Variants in RASA3 observed in about 807,000 individuals in gnomAD.
RASA3 encodes RAS p21 protein activator 3, also known as ras GTPase-activating protein 3.
RASA3 carries 73 observed loss-of-function variants against 110.0 expected under a neutral mutation model. The ratio of observed to expected loss-of-function variants is 0.66; its 90% CI spans 0.55 to 0.81. The LOEUF (loss-of-function observed/expected upper bound fraction) is 0.81, where lower values mean the gene tolerates loss of function less well. Among genes scored for constraint, RASA3 ranks in the 30% least tolerant of loss-of-function variants. The probability of loss-of-function intolerance (pLI) is 0.00; values close to 1 mark genes in which losing one functional copy is unlikely to be tolerated. For missense variants in RASA3, 976 were observed against 1,113.2 expected, an observed-to-expected ratio of 0.88 and a Z score of 1.75; for synonymous variants, 500 against 451.4, an observed-to-expected ratio of 1.11 and a Z score of -1.37.
intron 7 of RASA3, among the ~76,000 whole-genome samples, chr13:114,024,842 C>G (rs1329368467): frequency 6.6e-6 from 1 of 152,162 alleles, no homozygotes. Context: ...CCCCAGCACT[C>G]CAGGGAGGGT....
chr13:114,005,294 CCCCGAG>C (rs2139193818), intron 18 of RASA3, among the ~76,000 whole-genome samples: 1 of 152,312 alleles, frequency 6.6e-6, no homozygotes, highest in South Asian at 2.1e-4. Context: ...CAGAGCAAAG[CCCCGAG>C]CGGGAGTGGG....
intron 11 of RASA3, 105 bp downstream of exon 11, chr13:114,017,999 G>A: frequency 7.9e-7 from 1 of 1,265,532 alleles, no homozygotes; most frequent in Admixed American, 3.5e-5. Flanking sequence ...GGGGACCCTT[G>A]AATTCCCTCA....
At chr13:114,128,593 G>C (rs867451862) in intron 1 of RASA3, among the ~76,000 whole-genome samples, 1 of 152,250 alleles carries the variant, frequency 6.6e-6, no homozygotes, top group Non-Finnish European at 1.5e-5. Context: ...ATCAGGAGAG[G>C]GATAGCTGGG....
intron 16 of RASA3, 152 bp from the exon 17 acceptor site, chr13:114,009,616 G>A (rs2053589061): frequency 1.6e-6 from 1 of 622,486 alleles, no homozygotes; most frequent in Non-Finnish European, 2.8e-6. Context: ...AGCCCGCAGG[G>A]CTGCCCGGAG....
intron 23 of RASA3, among the ~76,000 whole-genome samples, chr13:113,980,757 G>A (rs141392367): frequency 1.6e-4 from 24 of 152,324 alleles, no homozygotes; most frequent in African/African-American, 5.8e-4. Flanking sequence ...TCCAAGTCCG[G>A]GCCACAGGGA....
chr13:114,005,809 C>CT (rs144709390), intron 18 of RASA3, among the ~76,000 whole-genome samples: 317 of 21,388 alleles, frequency 0.015, 71 homozygotes, highest in African/African-American at 0.1. Context: ...ACCACCTTAC[C>CT]CTTCTCCCCT....
chr13:114,130,640 G>A (rs1163738189), intron 1 of RASA3, among the ~76,000 whole-genome samples: 2 of 152,124 alleles, frequency 1.3e-5, no homozygotes, highest in South Asian at 2.1e-4. Context: ...GTCTTCCCTC[G>A]CCCTCCTGTT....
chr13:114,094,471 T>A (rs1471313888), intron 1 of RASA3, among the ~76,000 whole-genome samples: 1 of 152,222 alleles, frequency 6.6e-6, no homozygotes, highest in East Asian at 1.9e-4. Context: ...TAAAGGATGT[T>A]CTTCTGGGGT....
At chr13:114,035,799 T>C (rs972662639) in intron 4 of RASA3, 2 of 152,276 alleles carry the variant, frequency 1.3e-5, no homozygotes, top group African/African-American at 4.8e-5. Flanking sequence ...CGTCTCCTCT[T>C]ACAACCCTGG....
At position 113,996,659 on chromosome 13, in the gene RASA3, A is replaced by G. The variant is rs758499365; in HGVS notation, c.2013T>C (p.Ile671=). ...GGTTGCACTGGCTCACTTTGGTGAG[A>G]ATGTCGATCCAGTCCTTGGCCTCCA... is the stretch of plus-strand genomic sequence containing the variant. ...NCVEAKDWID[I]LTKVSQCNQK... Residue 671 remains isoleucine, a synonymous_variant, in exon 21 of 24, where the codon ATT becomes ATC. Transcript: ENST00000334062. 18 of 1,613,678 alleles carry G rather than the reference A, an allele frequency of 1.1e-5. No individual in the cohort carries two copies. The highest frequency in any genetic ancestry group is 2.7e-5 in the African/African-American group (2 of 74,934).
At chr13:113,996,132 G>A (rs980723212) in intron 21 of RASA3, among the ~76,000 whole-genome samples, 1 of 152,112 alleles carries the variant, frequency 6.6e-6, no homozygotes, top group South Asian at 2.1e-4. Flanking sequence ...GGAAGACAAC[G>A]GGCTGCTGCG....
At chr13:113,980,467 ATG>A (rs1254390762) in intron 23 of RASA3, among the ~76,000 whole-genome samples, 1 of 98,900 alleles carries the variant, frequency 1.0e-5, no homozygotes, top group East Asian at 3.0e-4. Flanking sequence ...ACCTCCACCC[ATG>A]TGTGTGCACC....
At chr13:114,110,990 T>TAAAAA (rs534002547) in intron 1 of RASA3, among the ~76,000 whole-genome samples, 1 of 130,736 alleles carries the variant, frequency 7.6e-6, no homozygotes, top group Non-Finnish European at 1.7e-5. Context: ...CTGCTCAAAG[T>TAAAAA]AAAAAAAAAA....
intron 1 of RASA3, among the ~76,000 whole-genome samples, chr13:114,089,268 G>A (rs913309839): frequency 4.7e-5 from 7 of 147,740 alleles, no homozygotes; most frequent in Admixed American, 6.7e-5. Context: ...GAGGGGAGAC[G>A]AGGGGAGACG....
intron 22 of RASA3, among the ~76,000 whole-genome samples, chr13:113,983,744 AAC>A (rs1461379901): frequency 1.1e-5 from 1 of 87,908 alleles, no homozygotes; most frequent in Non-Finnish European, 2.6e-5. Context: ...GAAACCAGGA[AAC>A]AGAGAAAACA....
At chr13:114,080,908 C>T (rs1366382440) in intron 1 of RASA3, among the ~76,000 whole-genome samples, 7 of 150,798 alleles carry the variant, frequency 4.6e-5, no homozygotes, top group Non-Finnish European at 8.9e-5. Flanking sequence ...TAGTGCCCCT[C>T]GGCAGAGGGC....
At position 114,054,695 on chromosome 13, in the gene RASA3, A is replaced by T. The variant is rs150379553; in HGVS notation, c.174-2540T>A. Among the ~76,000 whole-genome samples, 533 of 152,378 alleles carry T rather than the reference A, an allele frequency of 3.5e-3. 2 individuals carry two copies. The highest frequency in any genetic ancestry group is 6.2e-3 in the Non-Finnish European group (420 of 68,038). ...GTTGTTTTAAGCATTTTGGAAACACAGCAGTATCCATTTACACACAAAAGA... is the reference window on the plus strand; with the variant it reads ...GTTGTTTTAAGCATTTTGGAAACACTGCAGTATCCATTTACACACAAAAGA... On this transcript the variant is annotated intron_variant, in intron 2 of 23. Transcript: ENST00000334062.
chr13:114,129,711 C>T (rs1033853266), intron 1 of RASA3, among the ~76,000 whole-genome samples: 15 of 152,168 alleles, frequency 9.9e-5, no homozygotes, highest in Admixed American at 9.8e-4. Context: ...CCCTGAACAA[C>T]ACTGCCTTGT....
At chr13:114,061,964 G>A (rs776158732) in intron 2 of RASA3, among the ~76,000 whole-genome samples, 2 of 152,126 alleles carry the variant, frequency 1.3e-5, no homozygotes, top group Non-Finnish European at 2.9e-5. Flanking sequence ...CCAGCTCAGG[G>A]GACATGGTGG....
Sources: allele counts gnomAD v4.1 joint callset (sites outside exome capture counted in the v4.1 genomes callset), GRCh38; gene constraint gnomAD v4.1.1; transcripts MANE v1.5; gene names NCBI Gene and HGNC (gene_info 2026-07-23, HGNC 2026-07-21).